Variants in STIMATE observed in about 807,000 individuals in gnomAD.
STIMATE encodes the protein store-operated calcium entry regulator STIMATE.
In STIMATE, 15 loss-of-function variants were observed where a neutral mutation model predicts 36.7. The observed-to-expected ratio is 0.41, with a 90% CI of 0.27 to 0.63. The LOEUF (loss-of-function observed/expected upper bound fraction) is 0.63, where lower values mean the gene tolerates loss of function less well. STIMATE is among the 20% of genes least tolerant of loss of function. The probability of loss-of-function intolerance (pLI) is 0.32; values close to 1 mark genes in which losing one functional copy is unlikely to be tolerated. For synonymous variants in STIMATE, 163 were observed against 162.3 expected (o/e 1.00, Z -0.03); for missense variants, 305 against 397.3 (o/e 0.77, Z 1.98).
At chr3:52,887,868 C>T (rs1291491446) in intron 1 of STIMATE, among the ~76,000 whole-genome samples, 3 of 151,980 alleles carry the variant, frequency 2.0e-5, no homozygotes, top group Non-Finnish European at 4.4e-5. Flanking sequence ...AAGGTTTTTA[C>T]CTATTTAGAA....
intron 1 of STIMATE, among the ~76,000 whole-genome samples, chr3:52,885,772 C>T (rs561230759): frequency 1.6e-4 from 25 of 152,344 alleles, no homozygotes; most frequent in Non-Finnish European, 2.9e-4. Context: ...CTGGGCTTCG[C>T]TTGGGTTCCT....
intron 1 of STIMATE, among the ~76,000 whole-genome samples, chr3:52,887,202 A>G (rs1701699607): frequency 6.6e-6 from 1 of 151,944 alleles, no homozygotes; most frequent in South Asian, 2.1e-4. Context: ...TACATAAAAG[A>G]ACACCTGTGT....
chr3:52,897,303 T>C lies in STIMATE; in HGVS notation c.148A>G (p.Ser50Gly). The C allele has an allele frequency of 6.4e-7, 1 of 1,553,848 alleles. No individual in the cohort carries two copies. Among genetic ancestry groups the C allele is most frequent in the Non-Finnish European group, 8.6e-7 (1 of 1,157,386 alleles). ...LQGLLGVVAF[S>G]TLMLKRFREP... ...GTCCCAGACTCACGCATTAACGTGC[T>C]GAAGGCCACGACGCCGAGCAGCCCC... Residue 50 changes from serine (S) to glycine (G), a missense_variant, in exon 1 of 8, where the codon AGC (serine) becomes GGC (glycine). Physicochemically the swap from Ser to Gly is moderately conservative, Grantham distance 56. Transcript: ENST00000355083.
intron 1 of STIMATE, among the ~76,000 whole-genome samples, chr3:52,859,661 G>A (rs1701180348): frequency 7.1e-6 from 1 of 140,314 alleles, no homozygotes; most frequent in African/African-American, 2.6e-5. Context: ...GGGGAACAAA[G>A]TGAAACCCTG....
chr3:52,850,616 G>A (rs1467700680), intron 3 of STIMATE, among the ~76,000 whole-genome samples: 1 of 152,198 alleles, frequency 6.6e-6, no homozygotes, highest in Non-Finnish European at 1.5e-5. Flanking sequence ...GAACAGTGCT[G>A]CTGCACCAGA....
intron 1 of STIMATE, among the ~76,000 whole-genome samples, chr3:52,875,570 G>C (rs1047287762): frequency 6.6e-6 from 1 of 152,210 alleles, no homozygotes; most frequent in Non-Finnish European, 1.5e-5. Flanking sequence ...ACTTGGCAGA[G>C]AACAGAATGA....
intron 1 of STIMATE, among the ~76,000 whole-genome samples, chr3:52,883,392 C>A (rs1701641408): frequency 6.6e-6 from 1 of 152,294 alleles, no homozygotes. Flanking sequence ...ATCTGTTTTG[C>A]AACAGTCTGA....
intron 1 of STIMATE, among the ~76,000 whole-genome samples, chr3:52,876,633 A>G (rs1293189950): frequency 6.6e-6 from 1 of 152,210 alleles, no homozygotes. Flanking sequence ...TTTCATGATA[A>G]TCCACTTCCA....
intron 1 of STIMATE, among the ~76,000 whole-genome samples, chr3:52,856,623 G>A (rs926399105): frequency 1.3e-5 from 2 of 152,158 alleles, no homozygotes; most frequent in African/African-American, 4.8e-5. Flanking sequence ...GGTTGAGGCT[G>A]CAGTGAGCCA....
intron 1 of STIMATE, among the ~76,000 whole-genome samples, chr3:52,872,600 T>A (rs1311503461): frequency 6.6e-6 from 1 of 152,320 alleles, no homozygotes; most frequent in Non-Finnish European, 1.5e-5. Flanking sequence ...CCTCACCATA[T>A]CTGACCTGAT....
chr3:52,893,581 G>C (rs1328420710), intron 1 of STIMATE, among the ~76,000 whole-genome samples: 1 of 152,176 alleles, frequency 6.6e-6, no homozygotes, highest in South Asian at 2.1e-4. Flanking sequence ...AGCACACAGG[G>C]AGGCCGGTTT....
intron 1 of STIMATE, among the ~76,000 whole-genome samples, chr3:52,875,358 C>T (rs970655176): frequency 2.3e-4 from 35 of 152,160 alleles, no homozygotes; most frequent in Admixed American, 2.1e-3. Context: ...AGAGGTAACA[C>T]GTGTAGCCCC....
chr3:52,844,327 T>A (rs940127968), intron 5 of STIMATE, among the ~76,000 whole-genome samples: 1 of 152,200 alleles, frequency 6.6e-6, no homozygotes, highest in African/African-American at 2.4e-5. Context: ...GCTGGTCTCA[T>A]GTGGGCATTC....
rs1212642374 is a variant in STIMATE, at chr3:52,854,157, G to A, written c.209+1239C>T. On this transcript the variant is annotated intron_variant, in intron 2 of 7. Transcript: ENST00000355083. ...CACTTGTAATCTCCTGAGTAACACAGGTGCTAAGAGGAGTTTTTGTTCTAG... is the reference window on the plus strand; with the variant it reads ...CACTTGTAATCTCCTGAGTAACACAAGTGCTAAGAGGAGTTTTTGTTCTAG... Among the ~76,000 whole-genome samples the A allele has an allele frequency of 2.0e-5, 3 of 152,198 alleles. No homozygotes were observed. The East Asian group carries it at 5.8e-4, about 29-fold the overall frequency.
chr3:52,839,143 G>C lies in STIMATE; in HGVS notation c.*1351C>G, dbSNP rs996782225. On this transcript the variant is annotated 3_prime_UTR_variant, in exon 8 of 8. Transcript: ENST00000355083. ...TGACCATTCCCCAGGGAGGGGACAC[G>C]GCCTAGAAGCACCTTGCCCTGCCTG... is the stretch of plus-strand genomic sequence containing the variant. 6.6e-6 allele frequency: 1 copy of C among 152,242 alleles called. No homozygotes were observed. The highest frequency in any genetic ancestry group is 1.5e-5 in the Non-Finnish European group (1 of 68,062). The allele number at this position is 152,242 out of a possible 1,614,324, so 9.4% of individuals were successfully genotyped here. A position where few individuals can be genotyped will look rare whatever the true frequency, so the allele number is the denominator to read the frequency against.
chr3:52,866,675 G>A (rs571936436), intron 1 of STIMATE, among the ~76,000 whole-genome samples: 88 of 152,308 alleles, frequency 5.8e-4, no homozygotes, highest in African/African-American at 1.3e-3. Context: ...TGTGGAGGGC[G>A]GGGACCAGGC....
intron 1 of STIMATE, among the ~76,000 whole-genome samples, chr3:52,876,441 C>T (rs1283730788): frequency 6.6e-6 from 1 of 152,188 alleles, no homozygotes; most frequent in Non-Finnish European, 1.5e-5. Flanking sequence ...AGAGAATTAG[C>T]TTAGAACACT....
At chr3:52,891,539 T>A (rs56322263) in intron 1 of STIMATE, among the ~76,000 whole-genome samples, 1 of 152,322 alleles carries the variant, frequency 6.6e-6, no homozygotes, top group East Asian at 1.9e-4. Flanking sequence ...AGAGCCCACA[T>A]GAGGGCCCTG....
chr3:52,853,184 A>AT (rs1207787795), intron 2 of STIMATE, among the ~76,000 whole-genome samples: 1 of 152,178 alleles, frequency 6.6e-6, no homozygotes, highest in African/African-American at 2.4e-5. Context: ...AAGAATAAAT[A>AT]TTTGAGGTTT....
Sources: gnomAD v4.1 joint callset for allele counts (sites outside exome capture counted in the v4.1 genomes callset) on GRCh38, gnomAD v4.1.1 for gene constraint, MANE v1.5 for transcripts, NCBI Gene and HGNC (gene_info 2026-07-23, HGNC 2026-07-21) for gene names.